STAB2: variants seen among roughly 807,000 people sequenced by gnomAD.
The protein encoded by STAB2 is stabilin 2, also known as stabilin-2.
A neutral mutation model predicts 338.1 loss-of-function variants in STAB2; 288 were observed. The observed-to-expected ratio is 0.85, with a 90% CI of 0.77 to 0.94. STAB2 has a LOEUF of 0.94. Ranked by LOEUF, STAB2 falls within the 40% of genes least tolerant of loss-of-function variation. The pLI, the probability that STAB2 is intolerant of heterozygous loss-of-function variation, is 0.00. For missense variants in STAB2, 3,141 were observed against 3,210.1 expected (o/e 0.98, Z 0.52); for synonymous variants, 1,202 against 1,193.3 (o/e 1.01, Z -0.15).
chr12:103,688,131 C>T (rs1487042160), intron 27 of STAB2, 37 bp from the exon 28 acceptor site: 1 of 1,593,788 alleles, frequency 6.3e-7, no homozygotes, highest in African/African-American at 1.3e-5. Context: ...GTGTTCTCTC[C>T]CATCTCTTCT....
At position 103,711,453 on chromosome 12, in the gene STAB2, A is replaced by G. The variant is rs1451643234; in HGVS notation, c.4289-18A>G. 6.2e-7 allele frequency: 1 copy of G among 1,614,108 alleles called. No homozygotes were observed. Among genetic ancestry groups the G allele is most frequent in the Non-Finnish European group, 8.5e-7 (1 of 1,180,008 alleles). On this transcript the variant is annotated intron_variant, in intron 39 of 68. Transcript: ENST00000388887. ...ATTTAGTAAGAGGGCTAAGACAGCA[A>G]CTGGTTCTCTTTTTCAGCAACCACA...
chr12:103,760,287 C>G (rs1482429771), intron 65 of STAB2, among the ~76,000 whole-genome samples: 2 of 152,094 alleles, frequency 1.3e-5, no homozygotes, highest in Admixed American at 1.3e-4. Context: ...TTTAGACAGT[C>G]TCTCGCTCTG....
At chr12:103,653,666 GGATGGATGGATA>G (rs1565986717) in intron 12 of STAB2, among the ~76,000 whole-genome samples, 25 of 149,930 alleles carry the variant, frequency 1.7e-4, no homozygotes, top group African/African-American at 2.2e-4. Flanking sequence ...CTGGATGGAT[GGATGGATGGATA>G]GATACATGGA....
At chr12:103,639,154 C>G (rs1415156977) in intron 8 of STAB2, among the ~76,000 whole-genome samples, 3 of 152,252 alleles carry the variant, frequency 2.0e-5, no homozygotes, top group Non-Finnish European at 4.4e-5. Context: ...AATGTCAAGA[C>G]CTCGCATGTG....
In STAB2 at chr12:103,726,112, G is replaced by A. The variant is rs1379511324; in HGVS notation, c.4804-4G>A. ...CATTAAGTGAAACTACTCTTTGTTT[G>A]CAGGAGCTTCCCAAGAACCCGAAAA... is the stretch of plus-strand genomic sequence containing the variant. On this transcript the variant is annotated splice_region_variant and splice_polypyrimidine_tract_variant and intron_variant, in intron 45 of 68. Coordinates refer to ENST00000388887, the MANE Select transcript of STAB2 (RefSeq NM_017564.10). 6.2e-6 allele frequency: 10 copies of A among 1,613,842 alleles called. No homozygotes were observed. The highest frequency in any genetic ancestry group is 8.5e-6 in the Non-Finnish European group (10 of 1,179,800).
chr12:103,712,376 C>T lies in STAB2; in HGVS notation c.4344C>T (p.Thr1448=). Residue 1448 remains threonine (T), a synonymous_variant, in exon 41 of 69, where the codon ACC becomes ACT. Coordinates refer to ENST00000388887, the MANE Select transcript of STAB2 (RefSeq NM_017564.10). ...TCCTTCCTTGTTGCAGCTGCCTCAC[C>T]AACTCAGATGGTACAGCTTCATGCA... is the stretch of plus-strand genomic sequence containing the variant. ...GTCHTSANCL[T]NSDGTASCKC... is the part of the protein sequence containing the mutation. The T allele has an allele frequency of 6.2e-7, 1 of 1,613,870 alleles. No homozygotes were observed. The highest frequency in any genetic ancestry group is 1.3e-5 in the African/African-American group (1 of 75,014).
chr12:103,734,777 G>A (rs903889782), intron 51 of STAB2, among the ~76,000 whole-genome samples: 3 of 152,124 alleles, frequency 2.0e-5, no homozygotes, highest in Non-Finnish European at 2.9e-5. Context: ...GTGAGATGTC[G>A]GAGATGAAGG....
intron 5 of STAB2, 57 bp from the exon 6 acceptor site, chr12:103,631,541 G>C (rs1957462190): frequency 6.6e-7 from 1 of 1,525,264 alleles, no homozygotes; most frequent in Non-Finnish European, 9.1e-7. Flanking sequence ...TAGCTTTCCA[G>C]AATGTTTAGC....
intron 45 of STAB2, among the ~76,000 whole-genome samples, chr12:103,725,583 CGT>C (rs558725635): frequency 7.9e-5 from 12 of 151,392 alleles, no homozygotes; most frequent in African/African-American, 2.9e-4. Context: ...TGTGTGTACA[CGT>C]GTGTGTGCAT....
chr12:103,750,686 T>C lies in STAB2; in HGVS notation c.6546T>C (p.His2182=), dbSNP rs11833263. 2,785 of 1,614,172 alleles carry C rather than the reference T, an allele frequency of 1.7e-3. 40 individuals carry two copies. In the African/African-American group the frequency reaches 0.032, roughly 19 times the overall value. ...GCTTACAGGACAATGGGCAGTGCCA[T>C]GCAGACGCCAAATGTGTCGACCTCC... ...DRCLQDNGQC[H]ADAKCVDLHF... is the part of the protein sequence containing the mutation. Residue 2182 remains histidine, a synonymous_variant, in exon 60 of 69, where the codon CAT becomes CAC. Transcript: ENST00000388887.
At chr12:103,628,329 T>G (rs1957410998) in intron 5 of STAB2, among the ~76,000 whole-genome samples, 1 of 152,168 alleles carries the variant, frequency 6.6e-6, no homozygotes, top group African/African-American at 2.4e-5. Flanking sequence ...CTTGGCAAAA[T>G]GCCTGATAGA....
At chr12:103,727,562 T>C (rs1473351228) in intron 47 of STAB2, among the ~76,000 whole-genome samples, 2 of 152,324 alleles carry the variant, frequency 1.3e-5, no homozygotes, top group East Asian at 3.9e-4. Flanking sequence ...GCCAGAGACT[T>C]TCTAAAGGAC....
Position 103,740,664 on chromosome 12 carries a change from T to A in STAB2, c.5789T>A (p.Phe1930Tyr), listed in dbSNP as rs1882508074. The change falls in exon 55 of 69, where the codon TTC becomes TAC. Residue 1930 changes from phenylalanine (F) to tyrosine (Y), a missense_variant. Physicochemically the swap from Phe to Tyr is conservative, Grantham distance 22. Coordinates refer to ENST00000388887, the MANE Select transcript of STAB2 (RefSeq NM_017564.10). ...CAGAAGTGTCTCTACAACCTGCCCT[T>A]CAAGAGGAACCTGGAAGGCTGCCGG... ...VKQKCLYNLPFKRNLEGCRER... is the reference protein window; with the variant it reads ...VKQKCLYNLPYKRNLEGCRER... 6.2e-7 allele frequency: 1 copy of A among 1,612,110 alleles called. No individual in the cohort carries two copies. Among genetic ancestry groups the A allele is most frequent in the South Asian group, 1.1e-5 (1 of 90,672 alleles).
intron 3 of STAB2, among the ~76,000 whole-genome samples, chr12:103,609,058 G>C (rs921125864): frequency 2.0e-5 from 3 of 152,106 alleles, no homozygotes; most frequent in Admixed American, 6.5e-5. Context: ...CGCTGTTTTG[G>C]TACCAGTACC....
intron 64 of STAB2, 42 bp from the exon 65 acceptor site, chr12:103,759,086 ATTGCT>A (rs1884347817): frequency 6.2e-7 from 1 of 1,613,736 alleles, no homozygotes; most frequent in African/African-American, 1.3e-5. Context: ...AAGACAAAAT[ATTGCT>A]TGGCCTTTGA....
At chr12:103,674,965 C>T (rs746280792) in intron 23 of STAB2, among the ~76,000 whole-genome samples, 2 of 152,104 alleles carry the variant, frequency 1.3e-5, no homozygotes, top group African/African-American at 2.4e-5. Flanking sequence ...TCAACATTAC[C>T]GCTGAAACCT....
chr12:103,677,319 A>G, intron 24 of STAB2, 134 bp from the exon 25 acceptor site: 1 of 1,261,510 alleles, frequency 7.9e-7, no homozygotes, highest in Admixed American at 2.3e-5. Flanking sequence ...ATCTCAATGT[A>G]AATTAAGCAT....
intron 5 of STAB2, among the ~76,000 whole-genome samples, chr12:103,623,961 C>T (rs1011399975): frequency 4.6e-5 from 7 of 152,174 alleles, no homozygotes; most frequent in African/African-American, 1.4e-4. Context: ...ATGGTAGAAA[C>T]AGTGTCTGCT....
At chr12:103,715,754 C>G (rs1880257680) in intron 42 of STAB2, 61 bp from the exon 43 acceptor site, 4 of 1,594,994 alleles carry the variant, frequency 2.5e-6, no homozygotes, top group East Asian at 2.2e-5. Context: ...ATCCCTCAAG[C>G]TGGCTTCACT....
Sources: allele counts gnomAD v4.1 joint callset (sites outside exome capture counted in the v4.1 genomes callset), GRCh38; gene constraint gnomAD v4.1.1; transcripts MANE v1.5; gene names NCBI Gene and HGNC (gene_info 2026-07-23, HGNC 2026-07-21).